The following EVPL variants were observed in gnomAD, a reference collection of about 807,000 sequenced individuals.
EVPL encodes 210 kDa cornified envelope precursor protein.
EVPL carries 94 observed loss-of-function variants against 129.7 expected under a neutral mutation model. The observed-to-expected ratio is 0.72, with a 90% CI of 0.61 to 0.86. The LOEUF (loss-of-function observed/expected upper bound fraction) is 0.86. Ranked by LOEUF, EVPL falls within the 40% of genes least tolerant of loss-of-function variation. The pLI, the probability that EVPL is intolerant of heterozygous loss-of-function variation, is 0.00. For synonymous variants in EVPL, 1,172 were observed against 1,191.1 expected, an observed-to-expected ratio of 0.98 and a Z score of 0.33; for missense variants, 2,625 against 2,721.1, an observed-to-expected ratio of 0.96 and a Z score of 0.79.
In EVPL at chr17:76,010,455, A is replaced by G. The variant is rs763656275; in HGVS notation, c.2750T>C (p.Leu917Pro). The G allele has an allele frequency of 3.1e-6, 5 of 1,613,820 alleles. No homozygotes were observed. Among genetic ancestry groups the G allele is most frequent in the African/African-American group, 2.7e-5 (2 of 74,836 alleles). ...CCTCTCCTCTTCCAGCTGGGCCTTC[A>G]GGGCCTCTGACTCTCTCCCTGCTTG... ...PAQAGRESEALKAQLEEERKR... is the reference protein window; with the variant it reads ...PAQAGRESEAPKAQLEEERKR... The change falls in exon 22 of 22, where the codon CTG (leucine) becomes CCG (proline). Residue 917 changes from leucine to proline, a missense_variant. Around this residue, in one of 4 missense-constraint regions of EVPL, gnomAD observed 1,453 missense variants for 1,511.8 expected, o/e 0.96. Coordinates refer to ENST00000301607, the MANE Select transcript of EVPL (RefSeq NM_001988.4).
At position 76,022,358 on chromosome 17, in the gene EVPL, C is replaced by T. The variant is rs903168644; in HGVS notation, c.606+55G>A. ...CCAGCCGATCTAGCTCCGGCTCTGACTGGAGAAACGGGCTGGGGCTGGCCC... is the reference window on the plus strand; with the variant it reads ...CCAGCCGATCTAGCTCCGGCTCTGATTGGAGAAACGGGCTGGGGCTGGCCC... On this transcript the variant is annotated intron_variant, in intron 5 of 21. Transcript: ENST00000301607. This position sits in a 1 kb window ranked among gnomAD's most constrained non-coding sequence, Gnocchi z 5.6. The T allele has an allele frequency of 6.0e-5, 96 of 1,610,564 alleles. No individual in the cohort carries two copies. Among genetic ancestry groups the T allele is most frequent in the Non-Finnish European group, 7.7e-5 (91 of 1,178,594 alleles).
At position 76,023,631 on chromosome 17, in the gene EVPL, G is replaced by A. The variant is rs763803613; in HGVS notation, c.222C>T (p.Ser74=). The change falls in exon 3 of 22, where the codon AGC becomes AGT. Residue 74 remains serine, a synonymous_variant. Transcript: ENST00000301607. ...TCTCCTGCTGGTGCTGCAGGGCCTG[G>A]CTCTGCTCACTGTTCAGCCGGTCCT... The part of the protein sequence containing the change: ...LQQDRLNSEQ[S]QALQHQQETG... 7 of 1,595,942 alleles carry A rather than the reference G, an allele frequency of 4.4e-6. No individual in the cohort carries two copies. The highest frequency in any genetic ancestry group is 6.0e-6 in the Non-Finnish European group (7 of 1,172,096).
chr17:76,022,444 T>A lies in EVPL; in HGVS notation c.575A>T (p.Tyr192Phe). The change falls in exon 5 of 22, where the codon TAT becomes TTT. Residue 192 changes from tyrosine (Y) to phenylalanine (F), a missense_variant. By Grantham distance (22) the Tyr-to-Phe change is conservative (BLOSUM62 3). Transcript: ENST00000301607. The surrounding 1 kb of genome is among the most constrained non-coding windows in gnomAD (Gnocchi z 5.6). ...HNILQKEIDA[Y>F]GQQLRSLVGP... is the part of the protein sequence containing the mutation. Reference sequence around the variant, plus strand: ...CACGAGGCTCCGCAGCTGCTGCCCATAGGCGTCGATCTCCTTCTGCAGGAT... The same window carrying A: ...CACGAGGCTCCGCAGCTGCTGCCCAAAGGCGTCGATCTCCTTCTGCAGGAT... The A allele has an allele frequency of 6.2e-7, 1 of 1,613,812 alleles. No individual in the cohort carries two copies. Among genetic ancestry groups the A allele is most frequent in the Non-Finnish European group, 8.5e-7 (1 of 1,179,954 alleles).
In EVPL at chr17:76,010,417, G is replaced by T. The variant is rs140919030; in HGVS notation, c.2788C>A (p.Arg930=). ...QLEEERKRVA[R]VQHELEAQRS... ...TGCGCCTCCAGCTCATGCTGCACCC[G>T]GGCCACCCGCTTCCTCTCCTCTTCC... The change falls in exon 22 of 22, where the codon CGG becomes AGG. Residue 930 remains arginine, a synonymous_variant. Transcript: ENST00000301607. 1 of 1,613,872 alleles carries T rather than the reference G, an allele frequency of 6.2e-7. No individual in the cohort carries two copies. Among genetic ancestry groups the T allele is most frequent in the Admixed American group, 1.7e-5 (1 of 60,004 alleles).
Position 76,019,553 on chromosome 17 carries a change from G to C in EVPL, c.1112C>G (p.Pro371Arg), listed in dbSNP as rs746987198. The change falls in exon 10 of 22, where the codon CCC (proline) becomes CGC (arginine). Residue 371 changes from proline to arginine, a missense_variant. Transcript: ENST00000301607. Reference protein sequence around the residue: ...SPAPGGPPGAPTELLQQLEAE... With the variant: ...SPAPGGPPGARTELLQQLEAE... Reference sequence around the variant, plus strand: ...CTCCAGCTGTTGCAGCAGCTCTGTGGGGGCGCCAGGGGGGCCCCCAGGTGC... The same window carrying C: ...CTCCAGCTGTTGCAGCAGCTCTGTGCGGGCGCCAGGGGGGCCCCCAGGTGC... 1.9e-6 allele frequency: 3 copies of C among 1,570,218 alleles called. No individual in the cohort carries two copies. In the South Asian group the frequency reaches 3.6e-5, roughly 19 times the overall value.
Position 76,018,998 on chromosome 17 carries a change from C to T in EVPL, c.1200G>A (p.Arg400=). 1 of 1,567,920 alleles carries T rather than the reference C, an allele frequency of 6.4e-7. No individual in the cohort carries two copies. Among genetic ancestry groups the T allele is most frequent in the Non-Finnish European group, 8.6e-7 (1 of 1,163,682 alleles). ...RATGDLQRRS[R]DVAPLPQRRN... ...TTCGCTGTGGCAGAGGGGCCACATCCCGGCTTCGCCGCTGCAGGTCCCCAG... is the reference window on the plus strand; with the variant it reads ...TTCGCTGTGGCAGAGGGGCCACATCTCGGCTTCGCCGCTGCAGGTCCCCAG... Residue 400 remains arginine (R), a synonymous_variant, in exon 11 of 22, where the codon CGG becomes CGA. Coordinates refer to ENST00000301607, the MANE Select transcript of EVPL (RefSeq NM_001988.4).
At position 76,023,483 on chromosome 17, in the gene EVPL, G is replaced by C. The variant is rs1191665086; in HGVS notation, c.353+17C>G. ...GTCTTCCCCAGGGACCCCCAGCCCT[G>C]CCGCAGCTCCACTCACTCCTTCTCA... On this transcript the variant is annotated intron_variant, in intron 3 of 21. Coordinates refer to ENST00000301607, the MANE Select transcript of EVPL (RefSeq NM_001988.4). 1.2e-6 allele frequency: 2 copies of C among 1,611,730 alleles called. No individual in the cohort carries two copies. The highest frequency in any genetic ancestry group is 2.7e-5 in the African/African-American group (2 of 74,868).
Position 76,018,471 on chromosome 17 carries a change from G to T in EVPL, c.1414C>A (p.Pro472Thr). 1.2e-6 allele frequency: 2 copies of T among 1,612,402 alleles called. No individual in the cohort carries two copies. Among genetic ancestry groups the T allele is most frequent in the East Asian group, 4.5e-5 (2 of 44,864 alleles). The change falls in exon 12 of 22, where the codon CCT (proline) becomes ACT (threonine). Residue 472 changes from proline (P) to threonine (T), a missense_variant. Around this residue, in one of 4 missense-constraint regions of EVPL, gnomAD observed 1,024 missense variants for 997.5 expected, o/e 1.03. Transcript: ENST00000301607. ...CGGGAGGCCCTGGCCACAGCATCAG[G>T]GTCTGGTGCTGGGATGCAGAAGCAG... is the stretch of plus-strand genomic sequence containing the variant. ...AACFCIPAPD[P>T]DAVARASRLA...
rs149701860 is a variant in EVPL, at chr17:76,010,204, C to T, written c.3001G>A (p.Val1001Met). The T allele has an allele frequency of 3.9e-4, 623 of 1,614,020 alleles. 3 individuals carry two copies. The highest frequency in any genetic ancestry group is 1.6e-3 in the Admixed American group (99 of 60,022). ...GTCTTCCTCTTGCTTTCCAGCTGCA[C>T]GACCTTCTGGGCTGCCACTTCCAGG... is the stretch of plus-strand genomic sequence containing the variant. The part of the protein sequence containing the change: ...ADLEVAAQKV[V>M]QLESKRKTMQ... The change falls in exon 22 of 22, where the codon GTG becomes ATG. Residue 1001 changes from valine (V) to methionine (M), a missense_variant. Around this residue, in one of 4 missense-constraint regions of EVPL, gnomAD observed 1,453 missense variants for 1,511.8 expected, o/e 0.96. Coordinates refer to ENST00000301607, the MANE Select transcript of EVPL (RefSeq NM_001988.4).
chr17:76,007,539 T>C lies in EVPL; in HGVS notation c.5666A>G (p.Glu1889Gly), dbSNP rs184611959. The stretch of plus-strand genomic sequence containing the variant: ...AAGCAGCCTCTGTGTGGAGGTGTTC[T>C]CGATCAGGCCCCTCTCCATCGCCTT... ...VHKAMERGLI[E>G]NTSTQRLLNA... Residue 1889 changes from glutamate to glycine, a missense_variant, in exon 22 of 22, where the codon GAG (glutamate) becomes GGG (glycine). By Grantham distance (98) the Glu-to-Gly change is moderately conservative. This residue lies in a region of EVPL where 1,453 missense variants were observed against 1,511.8 expected (regional missense o/e 0.96). Coordinates refer to ENST00000301607, the MANE Select transcript of EVPL (RefSeq NM_001988.4). This position sits in a 1 kb window ranked among gnomAD's most constrained non-coding sequence, Gnocchi z 8.8. 3.8e-5 allele frequency: 62 copies of C among 1,613,992 alleles called. No individual in the cohort carries two copies. Among genetic ancestry groups the C allele is most frequent in the Non-Finnish European group, 5.3e-5 (62 of 1,180,026 alleles).
intron 18 of EVPL, among the ~76,000 whole-genome samples, chr17:76,012,629 G>T (rs1203224436): frequency 6.6e-6 from 1 of 151,890 alleles, no homozygotes; most frequent in African/African-American, 2.4e-5. Flanking sequence ...TAGCACAGTA[G>T]TATCTGCGAG....
At chr17:76,012,742 CTTT>C (rs56349197) in intron 18 of EVPL, among the ~76,000 whole-genome samples, 64,670 of 116,886 alleles carry the variant, frequency 0.55, 16,633 homozygotes, top group South Asian at 0.66. Context: ...TCTTTCTTTT[CTTT>C]TTTTTTTTTT....
rs1415684500 is a variant in EVPL at position 76,015,041 on chromosome 17, C to T, written c.2097G>A (p.Ser699=). The T allele has an allele frequency of 5.7e-6, 9 of 1,591,422 alleles. No individual in the cohort carries two copies. Among genetic ancestry groups the T allele is most frequent in the Admixed American group, 1.7e-5 (1 of 59,874 alleles). The change falls in exon 17 of 22, where the codon TCG becomes TCA. Residue 699 remains serine (S), a synonymous_variant. Coordinates refer to ENST00000301607, the MANE Select transcript of EVPL (RefSeq NM_001988.4). ...VLRLHRALKA[S]EHACAALQNN... The stretch of plus-strand genomic sequence containing the variant: ...TCTGCAGGGCAGCGCATGCGTGCTC[C>T]GAGGCCTTCAGCGCGCGGTGTAGCC...
At position 76,018,620 on chromosome 17, in the gene EVPL, G is replaced by A; in HGVS notation, c.1285-20C>T. On this transcript the variant is annotated intron_variant, in intron 11 of 21. Coordinates refer to ENST00000301607, the MANE Select transcript of EVPL (RefSeq NM_001988.4). ...CTGCACCTGGGGGCACAGAAAGGGA[G>A]CAGCTCCTGAGGGCTCAGGGGCAGG... 1 of 1,589,916 alleles carries A rather than the reference G, an allele frequency of 6.3e-7. No homozygotes were observed. The highest frequency in any genetic ancestry group is 1.1e-5 in the South Asian group (1 of 88,742).
intron 21 of EVPL, 117 bp from the exon 22 acceptor site, chr17:76,010,660 G>A (rs2066370340): frequency 8.7e-7 from 1 of 1,148,054 alleles, no homozygotes. Flanking sequence ...GGTCCTCAGA[G>A]GTGGAGCTGA....
At chr17:76,017,235 TG>T (rs1055031615) in intron 14 of EVPL, among the ~76,000 whole-genome samples, 1 of 152,126 alleles carries the variant, frequency 6.6e-6, no homozygotes, top group African/African-American at 2.4e-5. Flanking sequence ...GAAACTGGTT[TG>T]GAAGGATAAC....
chr17:76,024,209 C>A lies in EVPL; in HGVS notation c.99-89G>T, dbSNP rs2066483975. 1 of 1,233,770 alleles carries A rather than the reference C, an allele frequency of 8.1e-7. No homozygotes were observed. Among genetic ancestry groups the A allele is most frequent in the Non-Finnish European group, 1.2e-6 (1 of 861,322 alleles). The allele number at this position is 1,233,770 out of a possible 1,614,324, so 76.4% of individuals were successfully genotyped here. A position where few individuals can be genotyped will look rare whatever the true frequency, so the allele number is the denominator to read the frequency against. ...GGCATCCCCTGCCCTCCCTCCACCC[C>A]ATCCTGCCCCCACAGCCTAGCTCAC... On this transcript the variant is annotated intron_variant, in intron 1 of 21. Coordinates refer to ENST00000301607, the MANE Select transcript of EVPL (RefSeq NM_001988.4). This position sits in a 1 kb window ranked among gnomAD's most constrained non-coding sequence, Gnocchi z 4.5.
rs7225323 is a variant in EVPL, at chr17:76,009,395, G to A, written c.3810C>T (p.Ile1270=). ...HERSPEVLRE[I]DRLKAQLNEL... ...CGTTGAGCTGAGCCTTCAGGCGGTCGATCTCACGCAGCACCTCGGGGCTCC... is the reference window on the plus strand; with the variant it reads ...CGTTGAGCTGAGCCTTCAGGCGGTCAATCTCACGCAGCACCTCGGGGCTCC... The change falls in exon 22 of 22, where the codon ATC becomes ATT. Residue 1270 remains isoleucine, a synonymous_variant. Coordinates refer to ENST00000301607, the MANE Select transcript of EVPL (RefSeq NM_001988.4). The surrounding 1 kb of genome is among the most constrained non-coding windows in gnomAD (Gnocchi z 5.9). The A allele has an allele frequency of 0.072, 116,836 of 1,613,794 alleles. 11,989 individuals are homozygous for A. The highest frequency in any genetic ancestry group is 0.5 in the African/African-American group (37,502 of 74,920).
At chr17:76,020,442 T>G (rs968671229) in intron 9 of EVPL, among the ~76,000 whole-genome samples, 3 of 152,222 alleles carry the variant, frequency 2.0e-5, no homozygotes, top group African/African-American at 7.2e-5. Context: ...GTATTGGAGC[T>G]GCACTTGTCC....
Sources: gnomAD v4.1 joint callset for allele counts (sites outside exome capture counted in the v4.1 genomes callset) on GRCh38, gnomAD v4.1.1 for gene constraint, gnomAD v4.1.1 regional missense constraint, Gnocchi (gnomAD v3.1) non-coding constraint, MANE v1.5 for transcripts, NCBI Gene and HGNC (gene_info 2026-07-23, HGNC 2026-07-21) for gene names.